The following RFX3 variants were observed in gnomAD, a reference collection of about 807,000 sequenced individuals.
The protein encoded by RFX3 is transcription factor RFX3.
A neutral mutation model predicts 98.6 loss-of-function variants in RFX3; 14 were observed. The observed-to-expected ratio is 0.14, with a 90% CI of 0.09 to 0.22. The LOEUF is 0.22. Ranked by LOEUF, RFX3 falls within the 10% of genes least tolerant of loss-of-function variation. The pLI, the probability that RFX3 is intolerant of heterozygous loss-of-function variation, is 1.00. For synonymous variants in RFX3, 383 were observed against 328.4 expected (o/e 1.17, Z -1.80); for missense variants, 639 against 926.9 (o/e 0.69, Z 4.03).
intron 1 of RFX3, among the ~76,000 whole-genome samples, chr9:3,479,635 G>A (rs939042620): frequency 1.3e-5 from 2 of 152,100 alleles, no homozygotes; most frequent in Non-Finnish European, 2.9e-5. Flanking sequence ...AGTCCTAAAC[G>A]GCCTCTCAAA....
At chr9:3,457,429 T>C (rs1290337271) in intron 1 of RFX3, among the ~76,000 whole-genome samples, 1 of 152,178 alleles carries the variant, frequency 6.6e-6, no homozygotes, top group East Asian at 1.9e-4. Context: ...TTCAATTCCC[T>C]TACTGTCATT....
intron 1 of RFX3, among the ~76,000 whole-genome samples, chr9:3,515,928 GA>G (rs1408266375): frequency 6.6e-6 from 1 of 152,120 alleles, no homozygotes; most frequent in Non-Finnish European, 1.5e-5. Context: ...GCTGGTAAAA[GA>G]GTTGAGTTAC....
Position 3,525,814 on chromosome 9 carries a change from G to T in RFX3, c.-76C>A. 1.2e-6 allele frequency: 1 copy of T among 822,758 alleles called. No individual in the cohort carries two copies. Among genetic ancestry groups the T allele is most frequent in the South Asian group, 5.4e-5 (1 of 18,498 alleles). 51.0% of individuals were successfully genotyped at this position (822,758 alleles called of 1,614,324 possible). A position where few individuals can be genotyped will look rare whatever the true frequency, so the allele number is the denominator to read the frequency against. On this transcript the variant is annotated 5_prime_UTR_variant, in exon 1 of 17. Transcript: ENST00000617270. ...ATGGTGGTGGTGGGGAGGAGGAGGA[G>T]GAAGAGGAGGAGGAGGAGGAGAGGA...
rs78889313 is a variant in RFX3, at chr9:3,495,756, G to A, written c.-9+29991C>T. On this transcript the variant is annotated intron_variant, in intron 1 of 16. Coordinates refer to ENST00000617270, the MANE Select transcript of RFX3 (RefSeq NM_001282116.2). ...TCTTCCTTTCATTAATCTTAGGCTG[G>A]ATTTACTCTCCTCAAAGAATTGAAA... Among the ~76,000 whole-genome samples the A allele has an allele frequency of 1.4e-3, 217 of 152,014 alleles. 5 individuals carry two copies. The East Asian group carries it at 0.023, about 16-fold the overall frequency.
At chr9:3,409,961 G>T (rs956136753) in intron 1 of RFX3, among the ~76,000 whole-genome samples, 3 of 152,082 alleles carry the variant, frequency 2.0e-5, no homozygotes, top group African/African-American at 4.8e-5. Context: ...TGGTTAATAG[G>T]AGAAGAAAGG....
At chr9:3,302,803 T>C (rs542057476) in intron 4 of RFX3, among the ~76,000 whole-genome samples, 1 of 151,946 alleles carries the variant, frequency 6.6e-6, no homozygotes, top group East Asian at 1.9e-4. Flanking sequence ...AAACACTTTA[T>C]ACACAAAATA....
At chr9:3,500,412 A>T (rs922545326) in intron 1 of RFX3, among the ~76,000 whole-genome samples, 3 of 152,130 alleles carry the variant, frequency 2.0e-5, no homozygotes, top group African/African-American at 7.2e-5. Flanking sequence ...AAAAAGAGAA[A>T]ACAAATATGA....
chr9:3,414,838 G>C, intron 1 of RFX3, among the ~76,000 whole-genome samples: 1 of 136,210 alleles, frequency 7.3e-6, no homozygotes, highest in East Asian at 2.1e-4. Context: ...GTATATATGA[G>C]TATATATAAG....
At chr9:3,389,180 G>A (rs991500281) in intron 2 of RFX3, among the ~76,000 whole-genome samples, 9 of 152,098 alleles carry the variant, frequency 5.9e-5, no homozygotes, top group Admixed American at 5.9e-4. Flanking sequence ...GGAATAGTAG[G>A]AAGACATTTT....
rs528228573 is a variant in RFX3, at chr9:3,321,233, C to A, written c.474+9026G>T. 1.2e-4 allele frequency among the ~76,000 whole-genome samples: 18 copies of A among 152,176 alleles called. No individual in the cohort carries two copies. The East Asian group carries it at 3.1e-3, about 26-fold the overall frequency. On this transcript the variant is annotated intron_variant, in intron 4 of 16. Coordinates refer to ENST00000617270, the MANE Select transcript of RFX3 (RefSeq NM_001282116.2). ...TCTTTTTCTATTACAAATAAGTCTA[C>A]AACAAATATAGTTTTTATGTAGCAT...
chr9:3,241,592 C>T (rs775411606), intron 15 of RFX3, among the ~76,000 whole-genome samples: 4 of 152,058 alleles, frequency 2.6e-5, no homozygotes, highest in African/African-American at 7.2e-5. Context: ...AAATGGGACA[C>T]GGAGCCAATT....
At chr9:3,257,780 C>T (rs1162135421) in intron 13 of RFX3, among the ~76,000 whole-genome samples, 2 of 152,132 alleles carry the variant, frequency 1.3e-5, no homozygotes, top group African/African-American at 4.8e-5. Flanking sequence ...GCTATCAAGG[C>T]AAGGCTATGA....
intron 6 of RFX3, among the ~76,000 whole-genome samples, chr9:3,288,563 T>G (rs1054959456): frequency 6.6e-6 from 1 of 152,098 alleles, no homozygotes; most frequent in Non-Finnish European, 1.5e-5. Flanking sequence ...ATTTCTATTT[T>G]AAATTTAGTT....
At chr9:3,508,551 A>T (rs1564190707) in intron 1 of RFX3, among the ~76,000 whole-genome samples, 1 of 151,938 alleles carries the variant, frequency 6.6e-6, no homozygotes. Flanking sequence ...AAAAAGAGGA[A>T]CTTCTAGGCA....
intron 1 of RFX3, among the ~76,000 whole-genome samples, chr9:3,447,666 A>G (rs1186045746): frequency 6.6e-6 from 1 of 152,192 alleles, no homozygotes; most frequent in African/African-American, 2.4e-5. Context: ...TTCATTCAAG[A>G]TTTGGTTCCA....
chr9:3,269,855 C>G (rs1000326143), intron 11 of RFX3, among the ~76,000 whole-genome samples: 1 of 151,984 alleles, frequency 6.6e-6, no homozygotes, highest in African/African-American at 2.4e-5. Context: ...CAGTGGAAAT[C>G]AAGATAGATT....
chr9:3,247,756 T>G, intron 15 of RFX3: 1 of 1,566,552 alleles, frequency 6.4e-7, no homozygotes, highest in Non-Finnish European at 8.6e-7. Context: ...ATTCCAGTGG[T>G]TCTCAAGTTT....
At chr9:3,469,231 T>C in intron 1 of RFX3, 1 of 454,478 alleles carries the variant, frequency 2.2e-6, no homozygotes, top group South Asian at 1.6e-5. Flanking sequence ...TGAATTTGTG[T>C]TCAATGTAGG....
intron 1 of RFX3, among the ~76,000 whole-genome samples, chr9:3,516,265 G>A (rs963874901): frequency 1.3e-5 from 2 of 151,994 alleles, no homozygotes; most frequent in African/African-American, 4.8e-5. Context: ...AGCCAGGATG[G>A]TCTAGATCTC....
Sources: allele counts gnomAD v4.1 joint callset (sites outside exome capture counted in the v4.1 genomes callset), GRCh38; gene constraint gnomAD v4.1.1; transcripts MANE v1.5; gene names NCBI Gene and HGNC (gene_info 2026-07-23, HGNC 2026-07-21).